CENPP: variants seen among roughly 807,000 people sequenced by gnomAD.
CENPP encodes centromere protein P.
In CENPP, 24 loss-of-function variants were observed where a neutral mutation model predicts 35.6. The observed-to-expected ratio is 0.67, with a 90% confidence interval of 0.49 to 0.95. The LOEUF is 0.95. Among genes scored for constraint, CENPP ranks in the 40% least tolerant of loss-of-function variants. CENPP has a pLI of 0.00. For missense variants in CENPP, 332 were observed against 345.3 expected, an observed-to-expected ratio of 0.96 and a Z score of 0.31; for synonymous variants, 120 against 125.5, an observed-to-expected ratio of 0.96 and a Z score of 0.29.
chr9:92,547,493 C>A (rs757156972), intron 5 of CENPP, among the ~76,000 whole-genome samples: 1 of 152,228 alleles, frequency 6.6e-6, no homozygotes, highest in Non-Finnish European at 1.5e-5. Context: ...GTCATACTGA[C>A]ACATGCTGAA....
chr9:92,342,690 A>G (rs1393751065), intron 3 of CENPP, among the ~76,000 whole-genome samples: 1 of 152,242 alleles, frequency 6.6e-6, no homozygotes, highest in East Asian at 1.9e-4. Flanking sequence ...AGGCACCAAG[A>G]GTTCTTACTT....
intron 5 of CENPP, among the ~76,000 whole-genome samples, chr9:92,540,371 A>C (rs1849288233): frequency 6.8e-6 from 1 of 146,084 alleles, no homozygotes; most frequent in African/African-American, 2.5e-5. Context: ...CCAGGCGGCA[A>C]AGGTCGCAGT....
At chr9:92,603,158 C>G (rs1850973362) in intron 5 of CENPP, among the ~76,000 whole-genome samples, 1 of 152,218 alleles carries the variant, frequency 6.6e-6, no homozygotes, top group South Asian at 2.1e-4. Context: ...GTCATATAGC[C>G]AATCAACAGC....
At chr9:92,330,274 T>G (rs1840698899) in intron 1 of CENPP, among the ~76,000 whole-genome samples, 2 of 152,144 alleles carry the variant, frequency 1.3e-5, no homozygotes, top group African/African-American at 4.8e-5. Context: ...AAAAGCAGAT[T>G]CCAAGAGAAA....
At chr9:92,532,013 A>ATTTTTT (rs1368397928) in intron 5 of CENPP, among the ~76,000 whole-genome samples, 4 of 68,946 alleles carry the variant, frequency 5.8e-5, no homozygotes, top group Admixed American at 2.3e-4. Flanking sequence ...TTTTTATTTA[A>ATTTTTT]TGTTTTTTTT....
intron 5 of CENPP, among the ~76,000 whole-genome samples, chr9:92,481,777 A>G (rs1447390682): frequency 6.6e-6 from 1 of 152,214 alleles, no homozygotes; most frequent in Admixed American, 6.5e-5. Flanking sequence ...ATAATAAGGA[A>G]GACATTTATC....
Position 92,485,909 on chromosome 9 carries a change from C to CGT in CENPP, c.564+106050_564+106051insGT, listed in dbSNP as rs554731837. On this transcript the variant is annotated intron_variant, in intron 5 of 7. Coordinates refer to ENST00000375587, the MANE Select transcript of CENPP (RefSeq NM_001012267.3). ...AGGAGTATATTGTGGGGCACACACA[C>CGT]ACCTGCCAAAAAAGTAGGCAGTTTG... Among the ~76,000 whole-genome samples the CGT allele has an allele frequency of 6.6e-5, 10 of 152,342 alleles. No individual in the cohort carries two copies. In the South Asian group the frequency reaches 2.1e-3, roughly 32 times the overall value.
chr9:92,332,149 T>C (rs2130778564), intron 1 of CENPP, 21 bp from the exon 2 acceptor site: 3 of 1,539,582 alleles, frequency 1.9e-6, no homozygotes, highest in Non-Finnish European at 2.6e-6. Context: ...GGAGTGATTA[T>C]TTTTGATATT....
intron 5 of CENPP, among the ~76,000 whole-genome samples, chr9:92,391,674 A>G (rs933889206): frequency 3.8e-4 from 58 of 152,148 alleles, no homozygotes; most frequent in African/African-American, 1.3e-3. Flanking sequence ...AATGTGAAAA[A>G]CATGTCGTTA....
intron 1 of CENPP, among the ~76,000 whole-genome samples, chr9:92,327,657 C>G (rs1294089555): frequency 6.6e-6 from 1 of 152,160 alleles, no homozygotes; most frequent in Admixed American, 6.5e-5. Context: ...TAGAACAAGT[C>G]CATGGTTGGT....
chr9:92,439,667 T>A (rs989001547), intron 5 of CENPP, among the ~76,000 whole-genome samples: 5 of 152,368 alleles, frequency 3.3e-5, no homozygotes, highest in East Asian at 3.9e-4. Context: ...TGTCTTCCTA[T>A]TATTTTATGG....
intron 5 of CENPP, among the ~76,000 whole-genome samples, chr9:92,539,791 A>G (rs1464273109): frequency 6.6e-6 from 1 of 152,152 alleles, no homozygotes; most frequent in Non-Finnish European, 1.5e-5. Context: ...CCAATGGAAT[A>G]TTACATTTAA....
intron 5 of CENPP, chr9:92,457,293 T>C (rs1240809414): frequency 6.2e-7 from 1 of 1,613,504 alleles, no homozygotes; most frequent in Admixed American, 1.7e-5. Flanking sequence ...AATTATTACA[T>C]TCCAAAGTTC....
At chr9:92,548,384 C>T (rs1448644698) in intron 5 of CENPP, among the ~76,000 whole-genome samples, 1 of 152,152 alleles carries the variant, frequency 6.6e-6, no homozygotes, top group Non-Finnish European at 1.5e-5. Flanking sequence ...GCAAAGGGAA[C>T]AAAAGGATAC....
At chr9:92,554,838 A>G (rs948134203) in intron 5 of CENPP, among the ~76,000 whole-genome samples, 1 of 151,594 alleles carries the variant, frequency 6.6e-6, no homozygotes, top group East Asian at 1.9e-4. Context: ...GGGTTTCACC[A>G]TGTTGGCCAG....
At chr9:92,344,737 C>T (rs1024997667) in intron 3 of CENPP, among the ~76,000 whole-genome samples, 4 of 151,196 alleles carry the variant, frequency 2.6e-5, no homozygotes, top group Admixed American at 6.6e-5. Context: ...TTAGTAGAGA[C>T]GGGGTTTCAC....
chr9:92,331,846 A>G (rs1404504057), intron 1 of CENPP, among the ~76,000 whole-genome samples: 1 of 152,128 alleles, frequency 6.6e-6, no homozygotes, highest in South Asian at 2.1e-4. Flanking sequence ...CTGTGGTCCC[A>G]GCTACTCAGG....
intron 5 of CENPP, among the ~76,000 whole-genome samples, chr9:92,501,271 G>A (rs933689742): frequency 9.2e-5 from 14 of 152,136 alleles, no homozygotes; most frequent in African/African-American, 3.1e-4. Flanking sequence ...TCCCAGCTAT[G>A]TGAGTCCATG....
chr9:92,490,051 A>G (rs1022416690), intron 5 of CENPP, among the ~76,000 whole-genome samples: 1 of 152,244 alleles, frequency 6.6e-6, no homozygotes, highest in East Asian at 1.9e-4. Context: ...GAGCGAGTTA[A>G]GTAACTTCCT....
Sources: allele counts gnomAD v4.1 joint callset (sites outside exome capture counted in the v4.1 genomes callset), GRCh38; gene constraint gnomAD v4.1.1; transcripts MANE v1.5; gene names NCBI Gene and HGNC (gene_info 2026-07-23, HGNC 2026-07-21).